Variants in TENM2 observed in about 807,000 individuals in gnomAD.
TENM2 encodes the protein teneurin-2.
A neutral mutation model predicts 245.2 loss-of-function variants in TENM2; 52 were observed. The ratio of observed to expected loss-of-function variants is 0.21; its 90% CI spans 0.17 to 0.27. The LOEUF is 0.27. Ranked by LOEUF, TENM2 falls within the 10% of genes least tolerant of loss-of-function variation. The pLI is 1.00. For synonymous variants in TENM2, 1,363 were observed against 1,438.9 expected, an observed-to-expected ratio of 0.95 and a Z score of 1.19; for missense variants, 3,046 against 3,666.8, an observed-to-expected ratio of 0.83 and a Z score of 4.37.
chr5:167,786,829 C>T (rs998818253), intron 2 of TENM2, among the ~76,000 whole-genome samples: 2 of 152,196 alleles, frequency 1.3e-5, no homozygotes, highest in African/African-American at 2.4e-5. Flanking sequence ...CATCTCAGAG[C>T]TCCCCAAACC....
At chr5:167,217,058 A>G in the TENM2 span, among the ~76,000 whole-genome samples, 6 of 152,346 alleles carry the variant, frequency 3.9e-5, no homozygotes, top group East Asian at 9.6e-4. Context: ...TTGGTCATCA[A>G]AATGTATAAC....
intron 1 of TENM2, among the ~76,000 whole-genome samples, chr5:167,309,585 A>G (rs986673941): frequency 3.9e-5 from 6 of 152,120 alleles, no homozygotes; most frequent in African/African-American, 1.4e-4. Flanking sequence ...CACCCCTTTC[A>G]AACCTTAGGG....
intron 2 of TENM2, among the ~76,000 whole-genome samples, chr5:167,429,409 A>G (rs1465104483): frequency 2.0e-5 from 3 of 152,154 alleles, no homozygotes; most frequent in Non-Finnish European, 2.9e-5. Context: ...AGGCCCTGCT[A>G]CAGGTGCTGC....
chr5:167,738,238 T>C (rs752974234), intron 2 of TENM2, among the ~76,000 whole-genome samples: 25 of 152,244 alleles, frequency 1.6e-4, no homozygotes, highest in Admixed American at 4.6e-4. Context: ...TGTGTTAAAT[T>C]CTAATTGTTT....
intron 5 of TENM2, among the ~76,000 whole-genome samples, chr5:167,995,273 T>C (rs1471104073): frequency 6.6e-6 from 1 of 151,986 alleles, no homozygotes; most frequent in Admixed American, 6.6e-5. Context: ...ATAGTGAGAG[T>C]TTAATGTTTT....
At chr5:167,335,163 T>G (rs1278816094) in intron 1 of TENM2, among the ~76,000 whole-genome samples, 1 of 152,080 alleles carries the variant, frequency 6.6e-6, no homozygotes, top group East Asian at 1.9e-4. Context: ...TCAGGGAGCT[T>G]TGACTCATGG....
intron 2 of TENM2, among the ~76,000 whole-genome samples, chr5:167,790,366 A>T (rs1764866046): frequency 6.6e-6 from 1 of 152,220 alleles, no homozygotes; most frequent in Admixed American, 6.5e-5. Flanking sequence ...GAACATGCCC[A>T]CTGAAAGTCT....
chr5:167,060,427 C>T, the TENM2 span, among the ~76,000 whole-genome samples: 5 of 151,788 alleles, frequency 3.3e-5, no homozygotes, highest in African/African-American at 7.3e-5. Flanking sequence ...CTGAGGCAGG[C>T]GGATCACGAG....
intron 3 of TENM2, among the ~76,000 whole-genome samples, chr5:167,916,988 AC>A (rs1484656566): frequency 1.3e-5 from 2 of 152,104 alleles, no homozygotes; most frequent in Non-Finnish European, 2.9e-5. Context: ...TGTAACCATC[AC>A]CCAGGGCTAG....
At chr5:167,692,395 A>G (rs1757490702) in intron 2 of TENM2, among the ~76,000 whole-genome samples, 1 of 152,150 alleles carries the variant, frequency 6.6e-6, no homozygotes, top group Non-Finnish European at 1.5e-5. Flanking sequence ...TCACCCCTGG[A>G]CAGTCTGATT....
intron 5 of TENM2, among the ~76,000 whole-genome samples, chr5:168,037,000 T>C (rs1470744924): frequency 6.6e-6 from 1 of 152,074 alleles, no homozygotes; most frequent in African/African-American, 2.4e-5. Context: ...TTGCCTGTGT[T>C]TTCATTCCCT....
chr5:168,064,018 T>G (rs1041993448), intron 7 of TENM2, among the ~76,000 whole-genome samples: 2 of 152,092 alleles, frequency 1.3e-5, no homozygotes, highest in African/African-American at 4.8e-5. Context: ...AGACACTGAT[T>G]ATCTGGAGAT....
At chr5:167,876,296 G>T (rs955544801) in intron 3 of TENM2, 101 bp downstream of exon 5, 3 of 986,548 alleles carry the variant, frequency 3.0e-6, no homozygotes, top group Non-Finnish European at 4.6e-6. Flanking sequence ...GGGGGAAGGT[G>T]GTGTGGGGAG....
downstream of TENM2, chr5:168,263,161 A>G (rs1339518080): frequency 5.0e-6 from 1 of 201,460 alleles, no homozygotes; most frequent in East Asian, 1.2e-4. Context: ...ACAAAAACGA[A>G]TAAGCAAAGA....
intron 2 of TENM2, among the ~76,000 whole-genome samples, chr5:167,413,628 T>A (rs1182017795): frequency 2.0e-5 from 3 of 152,174 alleles, no homozygotes; most frequent in Non-Finnish European, 4.4e-5. Context: ...CGTTTCCTTC[T>A]GAGCAGAGCA....
At chr5:166,988,703 T>G in the TENM2 span, among the ~76,000 whole-genome samples, 2 of 152,232 alleles carry the variant, frequency 1.3e-5, no homozygotes, top group African/African-American at 2.4e-5. Context: ...TTTCTCCTTC[T>G]GCCCCTATCA....
the TENM2 span, among the ~76,000 whole-genome samples, chr5:167,156,986 A>AT: frequency 5.9e-5 from 9 of 152,008 alleles, no homozygotes; most frequent in East Asian, 1.9e-4. Flanking sequence ...GCAAACCCAC[A>AT]TTTTTTTTAA....
At chr5:167,662,547 G>A (rs934418717) in intron 2 of TENM2, among the ~76,000 whole-genome samples, 5 of 152,004 alleles carry the variant, frequency 3.3e-5, no homozygotes, top group African/African-American at 1.2e-4. Context: ...AGACTTCTGT[G>A]TTTCATCTGA....
intron 3 of TENM2, among the ~76,000 whole-genome samples, chr5:167,906,227 C>G (rs1776075678): frequency 6.6e-6 from 1 of 152,144 alleles, no homozygotes. Flanking sequence ...TTGCACATTA[C>G]ACAGTTCAGA....
Sources: allele counts gnomAD v4.1 joint callset (sites outside exome capture counted in the v4.1 genomes callset), GRCh38; gene constraint gnomAD v4.1.1; transcripts MANE v1.5; gene names NCBI Gene and HGNC (gene_info 2026-07-23, HGNC 2026-07-21).